SEMA5A: variants seen among roughly 807,000 people sequenced by gnomAD.
SEMA5A encodes the protein semaphorin 5A.
A neutral mutation model predicts 135.5 loss-of-function variants in SEMA5A; 55 were observed. That is an observed-to-expected ratio of 0.41 (90% CI 0.33 to 0.51). The LOEUF (loss-of-function observed/expected upper bound fraction) is 0.51, where lower values mean the gene tolerates loss of function less well. SEMA5A is among the 20% of genes least tolerant of loss of function. SEMA5A has a pLI of 0.37. For missense variants in SEMA5A, 1,290 were observed against 1,419.9 expected, an observed-to-expected ratio of 0.91 and a Z score of 1.47; for synonymous variants, 580 against 546.5, an observed-to-expected ratio of 1.06 and a Z score of -0.85.
At chr5:9,491,940 T>C (rs955281691) in intron 1 of SEMA5A, among the ~76,000 whole-genome samples, 6 of 152,224 alleles carry the variant, frequency 3.9e-5, no homozygotes, top group South Asian at 2.1e-4. Context: ...CTTGCCACTA[T>C]TCTCTCTCTT....
chr5:9,469,209 G>A (rs566200037), intron 1 of SEMA5A, among the ~76,000 whole-genome samples: 9 of 152,014 alleles, frequency 5.9e-5, no homozygotes, highest in South Asian at 2.1e-4. Flanking sequence ...GGGTTTCACC[G>A]TATTGTTCAG....
intron 15 of SEMA5A, 117 bp from the exon 16 acceptor site, chr5:9,108,404 G>A (rs1447772682): frequency 5.8e-6 from 7 of 1,201,568 alleles, no homozygotes; most frequent in African/African-American, 1.5e-5. Flanking sequence ...CTGCGTGGAG[G>A]AGCTTTTTGT....
chr5:9,143,364 C>T (rs747380712), intron 12 of SEMA5A, among the ~76,000 whole-genome samples: 4 of 94,756 alleles, frequency 4.2e-5, no homozygotes, highest in African/African-American at 1.5e-4. Context: ...TAGTGATTAA[C>T]TTTTAATACT....
intron 3 of SEMA5A, among the ~76,000 whole-genome samples, chr5:9,367,704 T>C (rs1011892007): frequency 5.9e-5 from 9 of 152,194 alleles, no homozygotes; most frequent in African/African-American, 1.9e-4. Context: ...CAGTCTGATA[T>C]AGTCTGGTTG....
chr5:9,426,238 C>T (rs973061689), intron 2 of SEMA5A, among the ~76,000 whole-genome samples: 2 of 151,628 alleles, frequency 1.3e-5, no homozygotes, highest in Admixed American at 1.3e-4. Context: ...GAGATCAAGA[C>T]CACGGTGAAA....
At chr5:9,450,565 C>T (rs139472231) in intron 1 of SEMA5A, among the ~76,000 whole-genome samples, 32 of 152,222 alleles carry the variant, frequency 2.1e-4, no homozygotes, top group African/African-American at 7.7e-4. Flanking sequence ...AAAGCATCTC[C>T]CTTGCTGCTG....
At chr5:9,102,101 A>C (rs140623200) in intron 16 of SEMA5A, among the ~76,000 whole-genome samples, 5 of 152,340 alleles carry the variant, frequency 3.3e-5, no homozygotes, top group African/African-American at 1.2e-4. Flanking sequence ...ACGGTTCAAA[A>C]ATGAGGAAAC....
At chr5:9,086,484 T>A (rs927051953) in intron 16 of SEMA5A, among the ~76,000 whole-genome samples, 2 of 152,162 alleles carry the variant, frequency 1.3e-5, no homozygotes, top group African/African-American at 4.8e-5. Context: ...CGAGCTCTCT[T>A]CTCTTGTCTG....
intron 4 of SEMA5A, among the ~76,000 whole-genome samples, chr5:9,318,947 C>T (rs1236390167): frequency 6.6e-6 from 1 of 152,090 alleles, no homozygotes; most frequent in African/African-American, 2.4e-5. Context: ...ACCTGTAATC[C>T]CAGCACTTTG....
chr5:9,349,253 C>CT (rs1754008666), intron 3 of SEMA5A, among the ~76,000 whole-genome samples: 1 of 152,164 alleles, frequency 6.6e-6, no homozygotes, highest in East Asian at 1.9e-4. Flanking sequence ...TTTCCAGGAA[C>CT]TTTAGGGTTA....
intron 1 of SEMA5A, among the ~76,000 whole-genome samples, chr5:9,451,298 T>C (rs562382172): frequency 1.2e-3 from 179 of 152,248 alleles, no homozygotes; most frequent in African/African-American, 4.1e-3. Flanking sequence ...GCTTGGGAAA[T>C]TAAACAACAA....
intron 1 of SEMA5A, among the ~76,000 whole-genome samples, chr5:9,528,783 A>G (rs1737276840): frequency 6.6e-6 from 1 of 152,250 alleles, no homozygotes; most frequent in South Asian, 2.1e-4. Flanking sequence ...AATTTTCTGT[A>G]TACCAATAGA....
intron 18 of SEMA5A, among the ~76,000 whole-genome samples, chr5:9,058,229 C>T (rs1000612525): frequency 6.6e-6 from 1 of 152,156 alleles, no homozygotes; most frequent in Non-Finnish European, 1.5e-5. Context: ...CTCACAACTG[C>T]CCTGGGGGTT....
At chr5:9,400,524 T>TTTTTTTTTTTTTTTTTTTTTG (rs1491341787) in intron 2 of SEMA5A, among the ~76,000 whole-genome samples, 1 of 99,182 alleles carries the variant, frequency 1.0e-5, no homozygotes, top group African/African-American at 4.5e-5. Flanking sequence ...TTTTTTTTTT[T>TTTTTTTTTTTTTTTTTTTTTG]GAGACGGAGT....
chr5:9,464,943 C>T (rs367741380), intron 1 of SEMA5A, among the ~76,000 whole-genome samples: 1 of 152,180 alleles, frequency 6.6e-6, no homozygotes, highest in African/African-American at 2.4e-5. Flanking sequence ...CAAGCGTGTG[C>T]GGACCTGTGG....
intron 22 of SEMA5A, 68 bp from the exon 23 acceptor site, chr5:9,043,084 G>A (rs1402413307): frequency 1.5e-6 from 2 of 1,356,580 alleles, no homozygotes; most frequent in Non-Finnish European, 2.1e-6. Flanking sequence ...AATATAACAA[G>A]GATGACTATT....
intron 6 of SEMA5A, among the ~76,000 whole-genome samples, chr5:9,229,927 C>T (rs184743979): frequency 6.6e-4 from 100 of 152,186 alleles, no homozygotes; most frequent in Middle Eastern, 3.4e-3. Flanking sequence ...ATGGTGTTTA[C>T]GTTAATTTCC....
intron 1 of SEMA5A, among the ~76,000 whole-genome samples, chr5:9,534,806 T>C (rs756366384): frequency 2.0e-5 from 3 of 152,226 alleles, no homozygotes; most frequent in Non-Finnish European, 4.4e-5. Flanking sequence ...TCTTCTCCTC[T>C]AGCCATAGTC....
intron 5 of SEMA5A, among the ~76,000 whole-genome samples, chr5:9,301,573 GGT>G (rs535811059): frequency 2.9e-3 from 435 of 152,218 alleles, no homozygotes; most frequent in Non-Finnish European, 3.6e-3. Flanking sequence ...GACTCCATAT[GGT>G]GACAAGATGG....
Sources: gnomAD v4.1 joint callset for allele counts (sites outside exome capture counted in the v4.1 genomes callset) on GRCh38, gnomAD v4.1.1 for gene constraint, MANE v1.5 for transcripts, NCBI Gene and HGNC (gene_info 2026-07-23, HGNC 2026-07-21) for gene names.